The following SMURF2 variants were observed in gnomAD, a reference collection of about 807,000 sequenced individuals.
The protein encoded by SMURF2 is SMAD specific E3 ubiquitin protein ligase 2, also known as E3 ubiquitin-protein ligase SMURF2.
In SMURF2, 48 loss-of-function variants were observed where a neutral mutation model predicts 109.6. That is an observed-to-expected ratio of 0.44 (90% CI 0.35 to 0.56). The LOEUF (loss-of-function observed/expected upper bound fraction) is 0.56. Ranked by LOEUF, SMURF2 falls within the 20% of genes least tolerant of loss-of-function variation. The pLI is 0.01. For missense variants in SMURF2, 575 were observed against 909.0 expected (o/e 0.63, Z 4.72); for synonymous variants, 288 against 317.1 (o/e 0.91, Z 0.97).
intron 1 of SMURF2, among the ~76,000 whole-genome samples, chr17:64,650,171 T>C (rs1392829366): frequency 6.6e-6 from 1 of 151,752 alleles, no homozygotes; most frequent in African/African-American, 2.4e-5. Context: ...ATGTACATTA[T>C]TCCATCATAT....
chr17:64,655,295 T>C lies in SMURF2; in HGVS notation c.52+6534A>G, dbSNP rs1016590795. ...TTTTTTTTTGGAGACACAGTTTCAC[T>C]CTGTCGCCCAGGCTGGAGTGCAGTG... is the stretch of plus-strand genomic sequence containing the variant. On this transcript the variant is annotated intron_variant, in intron 1 of 18. Transcript: ENST00000262435. Among the ~76,000 whole-genome samples, 27 of 129,998 alleles carry C rather than the reference T, an allele frequency of 2.1e-4. 1 individual carries two copies. The highest frequency in any genetic ancestry group is 3.3e-4 in the Non-Finnish European group (21 of 63,600). The allele number at this position is 129,998 out of a possible 152,430, so 85.3% of individuals were successfully genotyped here.
chr17:64,652,985 T>C (rs1970659350), intron 1 of SMURF2, among the ~76,000 whole-genome samples: 1 of 151,436 alleles, frequency 6.6e-6, no homozygotes. Flanking sequence ...ACAGAGAAAA[T>C]CTTTAGAACT....
At chr17:64,560,161 G>A (rs1169803785) in intron 12 of SMURF2, among the ~76,000 whole-genome samples, 1 of 151,930 alleles carries the variant, frequency 6.6e-6, no homozygotes, top group African/African-American at 2.4e-5. Context: ...GCTGCAGTGA[G>A]CCATGATCAC....
At position 64,615,978 on chromosome 17, in the gene SMURF2, C is replaced by T. The variant is rs56984954; in HGVS notation, c.53-9338G>A. Among the ~76,000 whole-genome samples the T allele has an allele frequency of 5.8e-3, 877 of 152,036 alleles. 4 individuals carry two copies. The highest frequency in any genetic ancestry group is 0.02 in the African/African-American group (836 of 41,470). ...TCGAGTAGCTGGGATTACAGGCATG[C>T]GCCACCACACTCGGCTAATTGCTGT... On this transcript the variant is annotated intron_variant, in intron 1 of 18. Coordinates refer to ENST00000262435, the MANE Select transcript of SMURF2 (RefSeq NM_022739.4).
At chr17:64,566,643 C>G (rs1555685044) in intron 10 of SMURF2, among the ~76,000 whole-genome samples, 3 of 130,860 alleles carry the variant, frequency 2.3e-5, no homozygotes, top group Non-Finnish European at 4.7e-5. Context: ...GCAATCTCCG[C>G]TCACTGCAAC....
At chr17:64,587,192 A>G (rs1244799407) in intron 5 of SMURF2, among the ~76,000 whole-genome samples, 1 of 152,166 alleles carries the variant, frequency 6.6e-6, no homozygotes, top group Non-Finnish European at 1.5e-5. Context: ...TAAATAAATA[A>G]TAAATAAATA....
chr17:64,562,285 C>CAAAA (rs782461489), intron 11 of SMURF2, among the ~76,000 whole-genome samples: 21 of 18,988 alleles, frequency 1.1e-3, no homozygotes, highest in East Asian at 2.6e-3. Flanking sequence ...GACTCCGTCT[C>CAAAA]AAAAAAAAAA....
intron 8 of SMURF2, 78 bp from the exon 9 acceptor site, chr17:64,578,654 A>C: frequency 1.2e-6 from 1 of 867,550 alleles, no homozygotes; most frequent in Non-Finnish European, 1.9e-6. Flanking sequence ...CTAAGATGAT[A>C]TACTAATAGG....
At chr17:64,654,811 A>G (rs1399437014) in intron 1 of SMURF2, among the ~76,000 whole-genome samples, 1 of 152,130 alleles carries the variant, frequency 6.6e-6, no homozygotes, top group African/African-American at 2.4e-5. Context: ...CCTGGGCAAC[A>G]AGAGCAAAAC....
intron 11 of SMURF2, among the ~76,000 whole-genome samples, chr17:64,562,293 A>C (rs1969231775): frequency 6.8e-6 from 1 of 147,006 alleles, no homozygotes; most frequent in South Asian, 2.1e-4. Flanking sequence ...CTCAAAAAAA[A>C]AAAAAAAAAA....
At chr17:64,625,415 C>T (rs906141404) in intron 1 of SMURF2, among the ~76,000 whole-genome samples, 5 of 152,156 alleles carry the variant, frequency 3.3e-5, no homozygotes, top group Non-Finnish European at 5.9e-5. Context: ...AATGTTAGTC[C>T]TAATCTTAAA....
At chr17:64,632,117 C>A (rs968956482) in intron 1 of SMURF2, among the ~76,000 whole-genome samples, 8 of 152,032 alleles carry the variant, frequency 5.3e-5, no homozygotes, top group Non-Finnish European at 1.0e-4. Flanking sequence ...CACTACCACA[C>A]CCAGCTAATT....
At position 64,618,662 on chromosome 17, in the gene SMURF2, A is replaced by T. The variant is rs1212562261; in HGVS notation, c.53-12022T>A. Among the ~76,000 whole-genome samples the T allele has an allele frequency of 3.3e-5, 5 of 152,330 alleles. No individual in the cohort carries two copies. In the East Asian group the frequency reaches 9.6e-4, roughly 29 times the overall value. Reference sequence around the variant, plus strand: ...TCAAGAGATGAATATTGTATATTTAAATTAAACCACACAATTTACTTTCTT... The same window carrying T: ...TCAAGAGATGAATATTGTATATTTATATTAAACCACACAATTTACTTTCTT... On this transcript the variant is annotated intron_variant, in intron 1 of 18. Transcript: ENST00000262435.
At chr17:64,613,264 T>G (rs935180780) in intron 1 of SMURF2, among the ~76,000 whole-genome samples, 2 of 152,206 alleles carry the variant, frequency 1.3e-5, no homozygotes, top group Admixed American at 1.3e-4. Context: ...AATTTCAATA[T>G]GACAAACTCC....
At chr17:64,616,336 C>G (rs1970120384) in intron 1 of SMURF2, among the ~76,000 whole-genome samples, 1 of 152,088 alleles carries the variant, frequency 6.6e-6, no homozygotes, top group Non-Finnish European at 1.5e-5. Context: ...GGCATAGAGA[C>G]TTACCAGTGA....
intron 14 of SMURF2, 115 bp downstream of exon 14, chr17:64,555,705 C>A: frequency 1.6e-6 from 1 of 634,236 alleles, no homozygotes. Context: ...GATCCTATCA[C>A]TCAAATAACC....
At chr17:64,557,470 A>T (rs1555684118) in intron 13 of SMURF2, 138 bp downstream of exon 13, 1 of 624,290 alleles carries the variant, frequency 1.6e-6, no homozygotes, top group African/African-American at 1.9e-5. Flanking sequence ...GCTTGGGAAA[A>T]TTTTATAGAA....
intron 1 of SMURF2, among the ~76,000 whole-genome samples, chr17:64,622,880 G>A (rs1241602368): frequency 6.6e-6 from 1 of 152,052 alleles, no homozygotes. Context: ...TAAATTGTTT[G>A]GAATTATTCT....
chr17:64,639,129 ATG>A (rs1239991845), intron 1 of SMURF2, among the ~76,000 whole-genome samples: 3 of 152,262 alleles, frequency 2.0e-5, no homozygotes, highest in Non-Finnish European at 2.9e-5. Context: ...CTAGTTATAT[ATG>A]TGTGTTCAGT....
Sources: gnomAD v4.1 joint callset for allele counts (sites outside exome capture counted in the v4.1 genomes callset) on GRCh38, gnomAD v4.1.1 for gene constraint, MANE v1.5 for transcripts, NCBI Gene and HGNC (gene_info 2026-07-23, HGNC 2026-07-21) for gene names.